Variants in APOBEC1 observed in about 807,000 individuals in gnomAD.
APOBEC1 encodes apolipoprotein B mRNA editing enzyme catalytic subunit 1.
In APOBEC1, 22 loss-of-function variants were observed where a neutral mutation model predicts 26.3. The observed-to-expected ratio is 0.84, with a 90% CI of 0.60 to 1.19. The LOEUF (loss-of-function observed/expected upper bound fraction) is 1.19. Ranked by LOEUF, APOBEC1 falls within the 50% of genes most tolerant of loss-of-function variation. APOBEC1 has a pLI of 0.00. For missense variants in APOBEC1, 253 were observed against 289.0 expected, an observed-to-expected ratio of 0.88 and a Z score of 0.90; for synonymous variants, 77 against 95.3, an observed-to-expected ratio of 0.81 and a Z score of 1.12.
chr12:7,657,301 T>C (rs749726450), intron 1 of APOBEC1, among the ~76,000 whole-genome samples: 3 of 152,188 alleles, frequency 2.0e-5, no homozygotes, highest in Non-Finnish European at 4.4e-5. Flanking sequence ...GTTGAGCCAG[T>C]CCTTGGAATA....
At chr12:7,657,043 C>CGTGTGTGTGTGTGTGT (rs6144603) in intron 1 of APOBEC1, among the ~76,000 whole-genome samples, 1 of 148,654 alleles carries the variant, frequency 6.7e-6, no homozygotes, top group South Asian at 2.2e-4. Flanking sequence ...GTTGTATATA[C>CGTGTGTGTGTGTGTGT]GTGTGTGTGT....
chr12:7,650,052 A>AG (rs1477442950), intron 4 of APOBEC1, among the ~76,000 whole-genome samples: 2 of 152,204 alleles, frequency 1.3e-5, no homozygotes, highest in Non-Finnish European at 2.9e-5. Context: ...TCTGGGCTCA[A>AG]GCCATCCACT....
chr12:7,658,630 C>T (rs777829461), intron 1 of APOBEC1, among the ~76,000 whole-genome samples: 1 of 152,248 alleles, frequency 6.6e-6, no homozygotes, highest in Admixed American at 6.5e-5. Context: ...TCTGAGAACT[C>T]TTCTCAAGCT....
chr12:7,657,414 A>G (rs1009108858), intron 1 of APOBEC1, among the ~76,000 whole-genome samples: 3 of 152,140 alleles, frequency 2.0e-5, no homozygotes, highest in Admixed American at 6.6e-5. Flanking sequence ...TATTTTTCAT[A>G]TAGAGGGCTA....
chr12:7,668,597 A>G (rs1863920475), upstream of APOBEC1, among the ~76,000 whole-genome samples: 1 of 152,206 alleles, frequency 6.6e-6, no homozygotes. Flanking sequence ...ATAATCAAGG[A>G]TGAAATGTAG....
At chr12:7,650,052 A>T (rs1248547448) in intron 4 of APOBEC1, among the ~76,000 whole-genome samples, 1 of 152,088 alleles carries the variant, frequency 6.6e-6, no homozygotes, top group Non-Finnish European at 1.5e-5. Context: ...TCTGGGCTCA[A>T]GCCATCCACT....
At position 7,652,462 on chromosome 12, in the gene APOBEC1, T is replaced by G; in HGVS notation, c.418A>C (p.Thr140Pro). 2.5e-6 allele frequency: 4 copies of G among 1,613,594 alleles called. No homozygotes were observed. The highest frequency in any genetic ancestry group is 3.4e-6 in the Non-Finnish European group (4 of 1,179,874). Residue 140 changes from threonine to proline, a missense_variant, in exon 3 of 5, where the codon ACT becomes CCT. Coordinates refer to ENST00000229304, the MANE Select transcript of APOBEC1 (RefSeq NM_001644.5). ...CCTGATGCTCTCATAATCTGAATAG[T>G]TACTCCACTGTTAACAAGGTCCCTG... is the stretch of plus-strand genomic sequence containing the variant. ...GLRDLVNSGVTIQIMRASEYY... is the reference protein window; with the variant it reads ...GLRDLVNSGVPIQIMRASEYY...
chr12:7,670,245 A>G (rs1656945854), upstream of APOBEC1, among the ~76,000 whole-genome samples: 1 of 138,186 alleles, frequency 7.2e-6, no homozygotes, highest in Non-Finnish European at 1.6e-5. Flanking sequence ...CAGCCTCCCA[A>G]AGTGCTGGGA....
Position 7,652,689 on chromosome 12 carries a change from A to G in APOBEC1, c.191T>C (p.Val64Ala). The change falls in exon 3 of 5, where the codon GTT becomes GCT. Residue 64 changes from valine (V) to alanine (A), a missense_variant. Transcript: ENST00000229304. ...TGACGTAAATTTTTTTATAAAATTAACTTCCACGTGATTGGTGGTGTTTTT... is the reference window on the plus strand; with the variant it reads ...TGACGTAAATTTTTTTATAAAATTAGCTTCCACGTGATTGGTGGTGTTTTT... ...SGKNTTNHVE[V>A]NFIKKFTSER... 6.2e-7 allele frequency: 1 copy of G among 1,614,116 alleles called. No individual in the cohort carries two copies. Among genetic ancestry groups the G allele is most frequent in the Non-Finnish European group, 8.5e-7 (1 of 1,180,004 alleles).
At position 7,660,532 on chromosome 12, in the gene APOBEC1, C is replaced by T. The variant is rs1034947108; in HGVS notation, c.16+5325G>A. ...AGACCAGCCTAACATGGTGAAACCC[C>T]GTCTCTAATAAATACAAAAAATTAG... is the stretch of plus-strand genomic sequence containing the variant. On this transcript the variant is annotated intron_variant, in intron 1 of 4. Coordinates refer to ENST00000229304, the MANE Select transcript of APOBEC1 (RefSeq NM_001644.5). Among the ~76,000 whole-genome samples the T allele has an allele frequency of 1.4e-4, 21 of 150,800 alleles. No homozygotes were observed. In the South Asian group the frequency reaches 3.0e-3, roughly 21 times the overall value.
chr12:7,665,558 A>G lies in APOBEC1; in HGVS notation c.16+299T>C, dbSNP rs184081868. Reference sequence around the variant, plus strand: ...AGTGATCCACCCTCCTTGGACTCCCAAAGTGCTGGGATTACAGGTGTGAGC... The same window carrying G: ...AGTGATCCACCCTCCTTGGACTCCCGAAGTGCTGGGATTACAGGTGTGAGC... On this transcript the variant is annotated intron_variant, in intron 1 of 4. Coordinates refer to ENST00000229304, the MANE Select transcript of APOBEC1 (RefSeq NM_001644.5). Among the ~76,000 whole-genome samples the G allele has an allele frequency of 7.9e-3, 1,201 of 152,206 alleles. 4 individuals carry two copies. Among genetic ancestry groups the G allele is most frequent in the Non-Finnish European group, 0.013 (913 of 68,012 alleles).
At chr12:7,660,375 G>GGAAGGAAA (rs61183510) in intron 1 of APOBEC1, among the ~76,000 whole-genome samples, 23 of 23,968 alleles carry the variant, frequency 9.6e-4, no homozygotes, top group African/African-American at 2.4e-3. Context: ...AAGGAAGGAA[G>GGAAGGAAA]GAAAGAAAGA....
intron 1 of APOBEC1, among the ~76,000 whole-genome samples, chr12:7,659,176 C>T (rs1185349972): frequency 6.8e-6 from 1 of 147,388 alleles, no homozygotes; most frequent in Non-Finnish European, 1.5e-5. Context: ...TGCCTGTAAT[C>T]CCAGCTACTC....
intron 1 of APOBEC1, among the ~76,000 whole-genome samples, chr12:7,658,491 G>A (rs1353300391): frequency 1.3e-5 from 2 of 152,186 alleles, no homozygotes; most frequent in Non-Finnish European, 2.9e-5. Flanking sequence ...GGAGACTAAA[G>A]ATTTTGATTT....
chr12:7,659,337 ATATATATATATATG>A lies in APOBEC1; in HGVS notation c.17-4719_17-4706del, dbSNP rs1255925941. On this transcript the variant is annotated intron_variant, in intron 1 of 4. Transcript: ENST00000229304. Reference sequence around the variant, plus strand: ...AAAAAAAAAAAATATATATATATATATATATATATATATGTTTATATTTGAAATTTAAAAATCAC... The same window carrying A: ...AAAAAAAAAAAATATATATATATATATTTATATTTGAAATTTAAAAATCAC... Among the ~76,000 whole-genome samples, 423 of 109,800 alleles carry A rather than the reference ATATATATATATATG, an allele frequency of 3.9e-3. 5 individuals are homozygous for A. The highest frequency in any genetic ancestry group is 5.5e-3 in the Admixed American group (56 of 10,132). 72.0% of individuals were successfully genotyped at this position (109,800 alleles called of 152,430 possible).
rs1565438732 is a variant in APOBEC1, at chr12:7,649,694, ACT to A, written c.562_563del (p.Leu189SerfsTer57). The A allele has an allele frequency of 1.9e-6, 3 of 1,605,756 alleles. No individual in the cohort carries two copies. Among genetic ancestry groups the A allele is most frequent in the Non-Finnish European group, 2.6e-6 (3 of 1,172,864 alleles). On this transcript the variant is annotated frameshift_variant and splice_region_variant, in exon 5 of 5. Transcript: ENST00000229304. LOFTEE classifies it low-confidence loss of function (END_TRUNC). ...YALELHCIILSLPPCLKISRR... is the reference protein window; with the variant it reads ...YALELHCIILXLPPCLKISRR... ...TTGAAATCTTTAAACAGGGTGGAAG[ACT>A]CTGGAATAAAAAAGGATTATATTTA...
chr12:7,660,350 AGGAAGG>A (rs1863791584), intron 1 of APOBEC1, among the ~76,000 whole-genome samples: 1 of 31,110 alleles, frequency 3.2e-5, no homozygotes, highest in South Asian at 1.3e-3. Flanking sequence ...GAAGGAAGGA[AGGAAGG>A]AAGGAAGGAA....
chr12:7,660,364 G>GA (rs1284100595), intron 1 of APOBEC1, among the ~76,000 whole-genome samples: 209 of 75,292 alleles, frequency 2.8e-3, no homozygotes, highest in African/African-American at 8.3e-3. Flanking sequence ...AGGAAGGAAG[G>GA]AAGGAAGGAA....
chr12:7,664,546 C>T (rs1863865534), intron 1 of APOBEC1, among the ~76,000 whole-genome samples: 1 of 152,188 alleles, frequency 6.6e-6, no homozygotes, highest in Non-Finnish European at 1.5e-5. Flanking sequence ...ACACAAGTCT[C>T]TATAAAAGCT....
Sources: allele counts gnomAD v4.1 joint callset (sites outside exome capture counted in the v4.1 genomes callset), GRCh38; gene constraint gnomAD v4.1.1; transcripts MANE v1.5; gene names NCBI Gene and HGNC (gene_info 2026-07-23, HGNC 2026-07-21).